NADSYN1: variants seen among roughly 807,000 people sequenced by gnomAD.
NADSYN1 encodes glutamine-dependent NAD(+) synthetase.
In NADSYN1, 80 loss-of-function variants were observed where a neutral mutation model predicts 99.3. That is an observed-to-expected ratio of 0.81 (90% CI 0.67 to 0.97). The LOEUF is 0.97. Among genes scored for constraint, NADSYN1 ranks in the 50% least tolerant of loss-of-function variants. The probability of loss-of-function intolerance (pLI) is 0.00; values close to 1 mark genes in which losing one functional copy is unlikely to be tolerated. For synonymous variants in NADSYN1, 385 were observed against 372.1 expected, an observed-to-expected ratio of 1.03 and a Z score of -0.40; for missense variants, 859 against 948.5, an observed-to-expected ratio of 0.91 and a Z score of 1.24.
chr11:71,466,313 C>CA (rs1949589138), intron 5 of NADSYN1, among the ~76,000 whole-genome samples: 1 of 152,230 alleles, frequency 6.6e-6, no homozygotes, highest in Non-Finnish European at 1.5e-5. Flanking sequence ...AACATGCCCC[C>CA]ATCCTCAGCC....
intron 20 of NADSYN1, chr11:71,499,676 C>T (rs775243079): frequency 1.3e-5 from 2 of 152,200 alleles, no homozygotes; most frequent in Non-Finnish European, 2.9e-5. Context: ...CATGACAGAG[C>T]AGCTTGGCCA....
intron 18 of NADSYN1, among the ~76,000 whole-genome samples, chr11:71,494,713 G>A (rs963781061): frequency 2.6e-5 from 4 of 151,924 alleles, no homozygotes; most frequent in Non-Finnish European, 5.9e-5. Context: ...GCACCTCCAC[G>A]CCTGGCTAAT....
rs147892934 is a variant in NADSYN1, at chr11:71,464,141, C to T, written c.406C>T (p.Arg136Trp). ...CTGGTTCACCCCGTGGTCGAGGAGTCGGTGAGTCGGGTGCCTGACCACTCC... is the reference window on the plus strand; with the variant it reads ...CTGGTTCACCCCGTGGTCGAGGAGTTGGTGAGTCGGGTGCCTGACCACTCC... ...LRWFTPWSRS[R>W]HTEEYFLPRM... Residue 136 changes from arginine (R) to tryptophan (W), a missense_variant and splice_region_variant, in exon 5 of 21, where the codon CGG becomes TGG. Transcript: ENST00000319023. 63 of 1,604,726 alleles carry T rather than the reference C, an allele frequency of 3.9e-5. No homozygotes were observed. Among genetic ancestry groups the T allele is most frequent in the Middle Eastern group, 1.6e-4 (1 of 6,074 alleles).
intron 9 of NADSYN1, chr11:71,476,819 C>T (rs547284038): frequency 2.6e-5 from 26 of 985,764 alleles, no homozygotes; most frequent in Non-Finnish European, 2.3e-5. Flanking sequence ...CCCGGCCCCA[C>T]ATCAAGCCAC....
At chr11:71,482,744 G>C in intron 13 of NADSYN1, 105 bp from the exon 14 acceptor site, 1 of 1,294,814 alleles carries the variant, frequency 7.7e-7, no homozygotes, top group South Asian at 1.6e-5. Context: ...GGTGTAGACC[G>C]GGGTGGAGCC....
chr11:71,486,951 G>A (rs2120493394), intron 16 of NADSYN1, among the ~76,000 whole-genome samples: 1 of 151,826 alleles, frequency 6.6e-6, no homozygotes, highest in African/African-American at 2.4e-5. Context: ...GACTACAGGC[G>A]CCCATCACCA....
chr11:71,455,308 A>G, intron 2 of NADSYN1, 138 bp downstream of exon 2: 6 of 676,414 alleles, frequency 8.9e-6, no homozygotes, highest in Non-Finnish European at 5.1e-6. Context: ...GGCCTGGTTA[A>G]TGCCATTGAA....
chr11:71,481,755 C>T (rs1949709355), intron 12 of NADSYN1, 168 bp from the exon 13 acceptor site: 2 of 625,580 alleles, frequency 3.2e-6, no homozygotes, highest in Non-Finnish European at 5.6e-6. Context: ...CTGAAAAATC[C>T]ATTCATCCTG....
intron 5 of NADSYN1, 84 bp from the exon 6 acceptor site, chr11:71,472,365 G>GT: frequency 8.6e-7 from 1 of 1,157,798 alleles, no homozygotes; most frequent in Non-Finnish European, 1.3e-6. Context: ...GGAGGGTTCA[G>GT]TTTGAGTTTT....
intron 2 of NADSYN1, 172 bp downstream of exon 2, chr11:71,455,342 G>A: frequency 1.8e-6 from 1 of 561,640 alleles, no homozygotes; most frequent in South Asian, 2.5e-5. Context: ...GCAGGCCCAG[G>A]GAGGCTGAAT....
At chr11:71,462,634 G>A (rs1212931938) in intron 3 of NADSYN1, among the ~76,000 whole-genome samples, 1 of 152,214 alleles carries the variant, frequency 6.6e-6, no homozygotes, top group Non-Finnish European at 1.5e-5. Flanking sequence ...ACTGAGACCT[G>A]TCTCAGATAC....
In NADSYN1 at chr11:71,464,049, G is replaced by A. The variant is rs779207580; in HGVS notation, c.318-4G>A. The A allele has an allele frequency of 1.2e-6, 2 of 1,609,088 alleles. No homozygotes were observed. Among genetic ancestry groups the A allele is most frequent in the Non-Finnish European group, 1.7e-6 (2 of 1,177,566 alleles). ...TGTGCACAGCCCTGTTCCCCTGTCTGCAGGAAGATCCTGCTCATCAGACCC... is the reference window on the plus strand; with the variant it reads ...TGTGCACAGCCCTGTTCCCCTGTCTACAGGAAGATCCTGCTCATCAGACCC... On this transcript the variant is annotated splice_polypyrimidine_tract_variant and splice_region_variant and intron_variant, in intron 4 of 20. Transcript: ENST00000319023.
At chr11:71,497,250 A>G in intron 18 of NADSYN1, 1 of 511,568 alleles carries the variant, frequency 2.0e-6, no homozygotes, top group Non-Finnish European at 3.5e-6. Context: ...TTGGTGAGCC[A>G]CCGTTCACCC....
chr11:71,472,743 G>T (rs941041531), intron 6 of NADSYN1, among the ~76,000 whole-genome samples: 3 of 152,210 alleles, frequency 2.0e-5, no homozygotes, highest in African/African-American at 7.2e-5. Flanking sequence ...ACTCACACTG[G>T]CTTCCTCCTC....
intron 5 of NADSYN1, 134 bp from the exon 6 acceptor site, chr11:71,472,315 G>C (rs553930131): frequency 2.6e-6 from 2 of 760,208 alleles, no homozygotes; most frequent in Admixed American, 1.8e-5. Context: ...TATTGCATTG[G>C]GGGGAACGCT....
intron 10 of NADSYN1, chr11:71,478,718 T>C: frequency 2.1e-6 from 1 of 472,292 alleles, no homozygotes; most frequent in Non-Finnish European, 3.9e-6. Flanking sequence ...GCAGAGAGGC[T>C]GACGAGACAG....
At chr11:71,475,948 A>C (rs546952892) in intron 9 of NADSYN1, 1 of 448,422 alleles carries the variant, frequency 2.2e-6, no homozygotes, top group Non-Finnish European at 4.5e-6. Context: ...TCCTGAGCTC[A>C]GGCAATCCAC....
At chr11:71,480,404 C>T (rs576640453) in intron 10 of NADSYN1, 8 of 269,274 alleles carry the variant, frequency 3.0e-5, no homozygotes, top group African/African-American at 1.8e-4. Context: ...GAACTCCTGA[C>T]CTCAGGTGAT....
At chr11:71,464,186 C>A in intron 5 of NADSYN1, 44 bp downstream of exon 5, 3 of 1,452,606 alleles carry the variant, frequency 2.1e-6, no homozygotes, top group Non-Finnish European at 2.9e-6. Flanking sequence ...CGTTAAGCAC[C>A]TCCGCTGTGT....
Sources: gnomAD v4.1 joint callset for allele counts (sites outside exome capture counted in the v4.1 genomes callset) on GRCh38, gnomAD v4.1.1 for gene constraint, MANE v1.5 for transcripts, NCBI Gene and HGNC (gene_info 2026-07-23, HGNC 2026-07-21) for gene names.